Variants in PRDX6 observed in about 807,000 individuals in gnomAD.
PRDX6 encodes the protein peroxiredoxin 6.
A neutral mutation model predicts 20.0 loss-of-function variants in PRDX6; 13 were observed. The ratio of observed to expected loss-of-function variants is 0.65; its 90% confidence interval spans 0.42 to 1.03. PRDX6 has a LOEUF of 1.03. Ranked by LOEUF, PRDX6 falls within the 50% of genes least tolerant of loss-of-function variation. The pLI is 0.00. For synonymous variants in PRDX6, 85 were observed against 100.8 expected (o/e 0.84, Z 0.94); for missense variants, 203 against 276.9 (o/e 0.73, Z 1.89).
chr1:173,484,609 T>C (rs1179474349), intron 2 of PRDX6, among the ~76,000 whole-genome samples: 1 of 152,200 alleles, frequency 6.6e-6, no homozygotes, highest in African/African-American at 2.4e-5. Flanking sequence ...AGATTTTTTT[T>C]TTCTCCAAAA....
In PRDX6 at chr1:173,477,382, C is replaced by G. The variant is rs11543999; in HGVS notation, c.-16C>G. The G allele has an allele frequency of 4.4e-6, 7 of 1,600,466 alleles. No individual in the cohort carries two copies. The highest frequency in any genetic ancestry group is 6.0e-6 in the Non-Finnish European group (7 of 1,172,478). On this transcript the variant is annotated 5_prime_UTR_variant, in exon 1 of 5. Transcript: ENST00000340385. ...GTTGCTTGCTGTCCCAGCGGCGCCCCCTCATCACCGTCGCCATGCCCGGAG... is the reference window on the plus strand; with the variant it reads ...GTTGCTTGCTGTCCCAGCGGCGCCCGCTCATCACCGTCGCCATGCCCGGAG...
In PRDX6 at chr1:173,486,305, A is replaced by G. The variant is rs775987301; in HGVS notation, c.450A>G (p.Pro150=). 1.2e-6 allele frequency: 2 copies of G among 1,612,856 alleles called. No individual in the cohort carries two copies. Among genetic ancestry groups the G allele is most frequent in the Non-Finnish European group, 1.7e-6 (2 of 1,179,470 alleles). Reference sequence around the variant, plus strand: ...AGCTGAAGCTGTCTATCCTCTACCCAGCTACCACTGGCAGGAACTTTGATG... The same window carrying G: ...AGCTGAAGCTGTCTATCCTCTACCCGGCTACCACTGGCAGGAACTTTGATG... The part of the protein sequence containing the change: ...DKKLKLSILY[P]ATTGRNFDEI... Residue 150 remains proline, a synonymous_variant, in exon 4 of 5, where the codon CCA becomes CCG. Transcript: ENST00000340385.
chr1:173,485,996 G>A (rs775602511), intron 3 of PRDX6, among the ~76,000 whole-genome samples: 30 of 152,092 alleles, frequency 2.0e-4, no homozygotes, highest in Non-Finnish European at 3.8e-4. Flanking sequence ...CCTTTCCCTC[G>A]ATTAAATTTG....
chr1:173,477,600 C>G (rs1364739211), intron 1 of PRDX6, 108 bp downstream of exon 1: 1 of 912,876 alleles, frequency 1.1e-6, no homozygotes, highest in Non-Finnish European at 1.7e-6. Context: ...GCCCCCTGCG[C>G]CGCCCTCGCC....
rs768225477 is a variant in PRDX6, at chr1:173,477,420, G to C, written c.23G>C (p.Gly8Ala). Residue 8 changes from glycine (G) to alanine (A), a missense_variant, in exon 1 of 5, where the codon GGG (glycine) becomes GCG (alanine). By Grantham distance (60) the Gly-to-Ala change is moderately conservative (BLOSUM62 0). Transcript: ENST00000340385. MPGGLLL[G>A]DVAPNFEANT... The stretch of plus-strand genomic sequence containing the variant: ...GCCATGCCCGGAGGTCTGCTTCTCG[G>C]GGACGTGGCTCCCAACTTTGAGGCC... 19 of 1,608,638 alleles carry C rather than the reference G, an allele frequency of 1.2e-5. No homozygotes were observed. The highest frequency in any genetic ancestry group is 1.6e-5 in the Non-Finnish European group (19 of 1,177,928).
chr1:173,480,604 A>G (rs960331276), intron 1 of PRDX6, among the ~76,000 whole-genome samples: 3 of 152,238 alleles, frequency 2.0e-5, no homozygotes, highest in Non-Finnish European at 2.9e-5. Flanking sequence ...ATTGCAGGCT[A>G]TCAAAATTCT....
rs759328581 is a variant in PRDX6 at position 173,477,450 on chromosome 1, C to A, written c.53C>A (p.Thr18Asn). ...GDVAPNFEAN[T>N]TVGRIRFHDF... ...GTGGCTCCCAACTTTGAGGCCAATA[C>A]CACCGTCGGCCGCATCCGTTTCCAC... Residue 18 changes from threonine to asparagine, a missense_variant, in exon 1 of 5, where the codon ACC becomes AAC. Thr to Asn is a moderately conservative substitution (Grantham distance 65, BLOSUM62 0). Transcript: ENST00000340385. 9.9e-6 allele frequency: 16 copies of A among 1,608,174 alleles called. No homozygotes were observed. Among genetic ancestry groups the A allele is most frequent in the Non-Finnish European group, 1.3e-5 (15 of 1,177,572 alleles).
chr1:173,482,416 C>T (rs908793837), intron 2 of PRDX6, among the ~76,000 whole-genome samples: 2 of 152,344 alleles, frequency 1.3e-5, no homozygotes, highest in African/African-American at 2.4e-5. Context: ...GGAACAGAGA[C>T]TCCTGTTTAG....
intron 1 of PRDX6, among the ~76,000 whole-genome samples, chr1:173,477,901 CG>C (rs1658730496): frequency 6.6e-6 from 1 of 152,188 alleles, no homozygotes; most frequent in Non-Finnish European, 1.5e-5. Context: ...GGCGCAGGGG[CG>C]GGGCGGCATT....
At chr1:173,487,253 AAC>A (rs1658916505) in intron 4 of PRDX6, among the ~76,000 whole-genome samples, 2 of 152,318 alleles carry the variant, frequency 1.3e-5, no homozygotes, top group African/African-American at 4.8e-5. Context: ...TTTGGAGAAA[AAC>A]ACAGAGAAGA....
At chr1:173,482,143 A>T (rs1382410324) in intron 2 of PRDX6, among the ~76,000 whole-genome samples, 1 of 152,146 alleles carries the variant, frequency 6.6e-6, no homozygotes, top group South Asian at 2.1e-4. Context: ...CACATCATAC[A>T]TCTGATTTAT....
In PRDX6 at chr1:173,486,283, T is replaced by C; in HGVS notation, c.428T>C (p.Leu143Pro). 6.2e-7 allele frequency: 1 copy of C among 1,609,370 alleles called. No homozygotes were observed. Among genetic ancestry groups the C allele is most frequent in the Non-Finnish European group, 8.5e-7 (1 of 1,178,194 alleles). The change falls in exon 4 of 5, where the codon CTG becomes CCG. Residue 143 changes from leucine to proline, a missense_variant. By Grantham distance (98) the Leu-to-Pro change is moderately conservative. Coordinates refer to ENST00000340385, the MANE Select transcript of PRDX6 (RefSeq NM_004905.3). ...TTTGTTTTTGGTCCTGATAAGAAGC[T>C]GAAGCTGTCTATCCTCTACCCAGCT... The part of the protein sequence containing the change: ...VVFVFGPDKK[L>P]KLSILYPATT...
chr1:173,487,296 C>T (rs1345696611), intron 4 of PRDX6, among the ~76,000 whole-genome samples: 2 of 152,092 alleles, frequency 1.3e-5, no homozygotes, highest in African/African-American at 2.4e-5. Flanking sequence ...TTGTGAGGGA[C>T]GAGCACTATA....
intron 2 of PRDX6, among the ~76,000 whole-genome samples, chr1:173,482,996 A>G: frequency 6.6e-6 from 1 of 152,240 alleles, no homozygotes; most frequent in African/African-American, 2.4e-5. Flanking sequence ...GATGATAAAG[A>G]GTAGGATTTA....
intron 1 of PRDX6, among the ~76,000 whole-genome samples, chr1:173,477,717 C>A (rs923932969): frequency 4.6e-5 from 7 of 152,364 alleles, no homozygotes; most frequent in Admixed American, 3.3e-4. Flanking sequence ...GCGGGCCACT[C>A]GATCCCTCCT....
At chr1:173,482,492 A>G (rs1300870461) in intron 2 of PRDX6, among the ~76,000 whole-genome samples, 1 of 152,234 alleles carries the variant, frequency 6.6e-6, no homozygotes, top group East Asian at 1.9e-4. Flanking sequence ...TTGTTGAATG[A>G]ATTAACTGAA....
chr1:173,486,722 G>A (rs1366105755), intron 4 of PRDX6, among the ~76,000 whole-genome samples: 2 of 151,964 alleles, frequency 1.3e-5, no homozygotes, highest in Admixed American at 6.6e-5. Context: ...AATATTTATC[G>A]CACAATCTTA....
intron 2 of PRDX6, among the ~76,000 whole-genome samples, chr1:173,482,748 G>A (rs538836446): frequency 6.6e-6 from 1 of 152,308 alleles, no homozygotes; most frequent in African/African-American, 2.4e-5. Context: ...CTAAATATCT[G>A]AGACTAGAAG....
In PRDX6 at chr1:173,485,375, C is replaced by T. The variant is rs372137556; in HGVS notation, c.267C>T (p.Tyr89=). The change falls in exon 3 of 5, where the codon TAC becomes TAT. Residue 89 remains tyrosine, a synonymous_variant. Transcript: ENST00000340385. ...TTGTGTTTCAGGATATCAATGCTTA[C>T]AATTGTGAAGAGCCCACAGAAAAGT... ...HLAWSKDINA[Y]NCEEPTEKLP... is the part of the protein sequence containing the mutation. 5.0e-6 allele frequency: 8 copies of T among 1,598,078 alleles called. No individual in the cohort carries two copies. The African/African-American group carries it at 8.1e-5, about 16-fold the overall frequency.
Sources: allele counts gnomAD v4.1 joint callset (sites outside exome capture counted in the v4.1 genomes callset), GRCh38; gene constraint gnomAD v4.1.1; transcripts MANE v1.5; gene names NCBI Gene and HGNC (gene_info 2026-07-23, HGNC 2026-07-21).